The following KCNIP1 variants were observed in gnomAD, a reference collection of about 807,000 sequenced individuals.
The protein encoded by KCNIP1 is A-type potassium channel modulatory protein KCNIP1.
KCNIP1 carries 18 observed loss-of-function variants against 33.0 expected under a neutral mutation model. The observed-to-expected ratio is 0.55, with a 90% confidence interval of 0.38 to 0.81. The LOEUF (loss-of-function observed/expected upper bound fraction) is 0.81, where lower values mean the gene tolerates loss of function less well. KCNIP1 is among the 30% of genes least tolerant of loss of function. The pLI, the probability that KCNIP1 is intolerant of heterozygous loss-of-function variation, is 0.00. For missense variants in KCNIP1, 238 were observed against 271.6 expected (o/e 0.88, Z 0.87); for synonymous variants, 93 against 98.3 (o/e 0.95, Z 0.32).
At chr5:170,394,446 T>C (rs533888347) in intron 1 of KCNIP1, among the ~76,000 whole-genome samples, 2 of 152,248 alleles carry the variant, frequency 1.3e-5, no homozygotes, top group East Asian at 1.9e-4. Context: ...GATCTTGCGG[T>C]TTTGTTGTCA....
intron 1 of KCNIP1, among the ~76,000 whole-genome samples, chr5:170,519,502 T>C (rs1415023800): frequency 2.0e-5 from 3 of 152,192 alleles, no homozygotes; most frequent in African/African-American, 7.2e-5. Flanking sequence ...TGCTGAGCCT[T>C]ACTGTCTTCT....
At chr5:170,638,790 A>G (rs1273040560) in intron 1 of KCNIP1, among the ~76,000 whole-genome samples, 3 of 152,194 alleles carry the variant, frequency 2.0e-5, no homozygotes, top group Non-Finnish European at 4.4e-5. Flanking sequence ...CACTACAACG[A>G]CAGAGGAAGC....
At chr5:170,604,564 G>C (rs1287760009) in intron 1 of KCNIP1, among the ~76,000 whole-genome samples, 1 of 152,180 alleles carries the variant, frequency 6.6e-6, no homozygotes, top group African/African-American at 2.4e-5. Flanking sequence ...GCGAGGCTTT[G>C]TATGCATAAA....
intron 1 of KCNIP1, among the ~76,000 whole-genome samples, chr5:170,641,147 G>A (rs1384523142): frequency 6.6e-6 from 1 of 152,124 alleles, no homozygotes; most frequent in East Asian, 1.9e-4. Context: ...ACACCTTCAT[G>A]CTCGTGGCAC....
At chr5:170,474,368 T>C (rs997092439) in intron 1 of KCNIP1, among the ~76,000 whole-genome samples, 1 of 152,172 alleles carries the variant, frequency 6.6e-6, no homozygotes, top group African/African-American at 2.4e-5. Flanking sequence ...GAGTCTCATG[T>C]ATTGTGGGAA....
chr5:170,597,789 ATATATAT>A (rs1561708582), intron 1 of KCNIP1, among the ~76,000 whole-genome samples: 578 of 2,266 alleles, frequency 0.26, 12 homozygotes, highest in African/African-American at 0.3. Flanking sequence ...AGATAAATAT[ATATATAT>A]ATATATATAT....
At chr5:170,550,606 G>A (rs1030401999) in intron 1 of KCNIP1, among the ~76,000 whole-genome samples, 1 of 150,074 alleles carries the variant, frequency 6.7e-6, no homozygotes, top group African/African-American at 2.5e-5. Flanking sequence ...GATGATGATG[G>A]TGATGACAAT....
At chr5:170,582,730 C>A (rs1293353959) in intron 1 of KCNIP1, among the ~76,000 whole-genome samples, 9 of 152,204 alleles carry the variant, frequency 5.9e-5, no homozygotes, top group African/African-American at 2.2e-4. Flanking sequence ...TAACACTTTT[C>A]ACCTTCCAGT....
At chr5:170,396,277 G>A (rs955790978) in intron 1 of KCNIP1, among the ~76,000 whole-genome samples, 1 of 152,206 alleles carries the variant, frequency 6.6e-6, no homozygotes, top group Non-Finnish European at 1.5e-5. Flanking sequence ...TCTTGAGAGG[G>A]GATGCTCCCA....
intron 1 of KCNIP1, among the ~76,000 whole-genome samples, chr5:170,556,353 G>C (rs941772089): frequency 1.3e-5 from 2 of 152,248 alleles, no homozygotes; most frequent in Non-Finnish European, 2.9e-5. Flanking sequence ...AATGATTTGA[G>C]GGTGATAGCA....
chr5:170,598,739 C>T (rs1428448736), intron 1 of KCNIP1, among the ~76,000 whole-genome samples: 1 of 152,062 alleles, frequency 6.6e-6, no homozygotes, highest in Non-Finnish European at 1.5e-5. Context: ...ACAGGGATTT[C>T]CCCTGCTCTG....
intron 1 of KCNIP1, among the ~76,000 whole-genome samples, chr5:170,369,279 A>G (rs989815978): frequency 2.0e-5 from 3 of 152,202 alleles, no homozygotes; most frequent in Non-Finnish European, 4.4e-5. Context: ...TTTGTTTCCT[A>G]CAGTTGCCCA....
At chr5:170,458,969 C>T (rs1756449123) in intron 1 of KCNIP1, among the ~76,000 whole-genome samples, 1 of 152,078 alleles carries the variant, frequency 6.6e-6, no homozygotes, top group Non-Finnish European at 1.5e-5. Flanking sequence ...AAGAGACTCA[C>T]CTAACACATA....
intron 1 of KCNIP1, among the ~76,000 whole-genome samples, chr5:170,382,299 C>A (rs1561595469): frequency 6.6e-6 from 1 of 152,192 alleles, no homozygotes; most frequent in Non-Finnish European, 1.5e-5. Context: ...ACCAGAGATT[C>A]CACCTTGATA....
Position 170,510,024 on chromosome 5 carries a change from C to T in KCNIP1, c.61+5391C>T, listed in dbSNP as rs186608481. ...CTTAGCCAGTCCCACAATTGTCCTT[C>T]AGCATTGCTTCCCTGCCTAAGATCC... is the stretch of plus-strand genomic sequence containing the variant. On this transcript the variant is annotated intron_variant, in intron 1 of 7. Transcript: ENST00000328939. Among the ~76,000 whole-genome samples, 1,169 of 152,318 alleles carry T rather than the reference C, an allele frequency of 7.7e-3. 54 individuals carry two copies. The highest frequency in any genetic ancestry group is 0.072 in the Admixed American group (1,097 of 15,300).
chr5:170,543,665 A>G (rs533766121), intron 1 of KCNIP1, among the ~76,000 whole-genome samples: 5 of 152,332 alleles, frequency 3.3e-5, no homozygotes, highest in African/African-American at 9.6e-5. Flanking sequence ...GCCTCTTCCA[A>G]TCGTTAGAAG....
At chr5:170,412,588 T>C (rs1158371567) in intron 1 of KCNIP1, among the ~76,000 whole-genome samples, 7 of 152,084 alleles carry the variant, frequency 4.6e-5, no homozygotes, top group Non-Finnish European at 1.0e-4. Flanking sequence ...GGAACAAGTG[T>C]GAAGAAACAA....
At chr5:170,439,040 C>T (rs1303439530) in intron 1 of KCNIP1, among the ~76,000 whole-genome samples, 1 of 152,160 alleles carries the variant, frequency 6.6e-6, no homozygotes, top group East Asian at 1.9e-4. Context: ...TCTCTATCAA[C>T]TTAGATCCTA....
At chr5:170,732,676 A>C (rs1468164084) in intron 5 of KCNIP1, 124 bp from the exon 6 acceptor site, 1 of 639,886 alleles carries the variant, frequency 1.6e-6, no homozygotes, top group East Asian at 2.6e-5. Context: ...TCACCTGCTA[A>C]AGAAGGACCT....
Sources: allele counts gnomAD v4.1 joint callset (sites outside exome capture counted in the v4.1 genomes callset), GRCh38; gene constraint gnomAD v4.1.1; transcripts MANE v1.5; gene names NCBI Gene and HGNC (gene_info 2026-07-23, HGNC 2026-07-21).